Variants in PAWR observed in about 807,000 individuals in gnomAD.
PAWR encodes the protein pro-apoptotic WT1 regulator, also known as PRKC apoptosis WT1 regulator protein.
Under a neutral mutation model 32.0 loss-of-function variants are expected in PAWR, and 23 were observed. The ratio of observed to expected loss-of-function variants is 0.72; its 90% CI spans 0.52 to 1.02. The LOEUF is 1.02. Ranked by LOEUF, PAWR falls within the 50% of genes least tolerant of loss-of-function variation. The pLI is 0.00. For missense variants in PAWR, 457 were observed against 437.7 expected (o/e 1.04, Z -0.39); for synonymous variants, 226 against 187.1 (o/e 1.21, Z -1.70).
At chr12:79,605,395 C>G (rs896897726) in intron 4 of PAWR, among the ~76,000 whole-genome samples, 1 of 152,018 alleles carries the variant, frequency 6.6e-6, no homozygotes, top group African/African-American at 2.4e-5. Flanking sequence ...ACAGTAGAAA[C>G]AGCTAAAATT....
chr12:79,594,567 T>C lies in PAWR; in HGVS notation c.832-134A>G, dbSNP rs182184778. 69 of 572,334 alleles carry C rather than the reference T, an allele frequency of 1.2e-4. No homozygotes were observed. The Admixed American group carries it at 1.8e-3, about 15-fold the overall frequency. The allele number at this position is 572,334 out of a possible 1,614,324, so 35.5% of individuals were successfully genotyped here. The stretch of plus-strand genomic sequence containing the variant: ...ATTTCCAATGAATCCCTTAAGACAT[T>C]TGGTGAAGGAACAAAGATCCCACCA... On this transcript the variant is annotated intron_variant, in intron 5 of 6. Transcript: ENST00000328827.
intron 2 of PAWR, among the ~76,000 whole-genome samples, chr12:79,688,656 G>A (rs1878804681): frequency 6.6e-6 from 1 of 151,940 alleles, no homozygotes; most frequent in South Asian, 2.1e-4. Context: ...GATTTAACAG[G>A]TATGGAAATC....
In PAWR at chr12:79,635,032, C is replaced by T. The variant is rs147306659; in HGVS notation, c.517-13825G>A. Among the ~76,000 whole-genome samples, 131 of 152,218 alleles carry T rather than the reference C, an allele frequency of 8.6e-4. 2 individuals are homozygous for T. In the East Asian group the frequency reaches 0.019, roughly 22 times the overall value. The stretch of plus-strand genomic sequence containing the variant: ...CTTACTATATTGCTCTGTACATAAC[C>T]TCACATATCCTAATCTGTTCCAATA... On this transcript the variant is annotated intron_variant, in intron 2 of 6. Coordinates refer to ENST00000328827, the MANE Select transcript of PAWR (RefSeq NM_002583.4).
At chr12:79,670,538 A>G (rs1236304182) in intron 2 of PAWR, among the ~76,000 whole-genome samples, 1 of 152,208 alleles carries the variant, frequency 6.6e-6, no homozygotes, top group East Asian at 1.9e-4. Context: ...TGCCAAAAAT[A>G]TCTCATTCAA....
At chr12:79,649,270 G>A (rs1876724762) in intron 2 of PAWR, among the ~76,000 whole-genome samples, 1 of 151,998 alleles carries the variant, frequency 6.6e-6, no homozygotes, top group African/African-American at 2.4e-5. Context: ...AGATTTAATT[G>A]AAATAGTCAA....
At chr12:79,630,710 TAGTAAAGAA>T (rs1029330972) in intron 2 of PAWR, among the ~76,000 whole-genome samples, 12 of 152,190 alleles carry the variant, frequency 7.9e-5, no homozygotes, top group East Asian at 3.9e-4. Flanking sequence ...GCTCTCTATC[TAGTAAAGAA>T]AGTAAAGAAA....
At chr12:79,658,188 C>G (rs1877183898) in intron 2 of PAWR, among the ~76,000 whole-genome samples, 1 of 152,122 alleles carries the variant, frequency 6.6e-6, no homozygotes, top group Non-Finnish European at 1.5e-5. Flanking sequence ...TAGATGCCAA[C>G]AGATCTTTGC....
chr12:79,663,228 G>C (rs910658594), intron 2 of PAWR, among the ~76,000 whole-genome samples: 1 of 152,176 alleles, frequency 6.6e-6, no homozygotes, highest in Non-Finnish European at 1.5e-5. Context: ...TTGTACATGG[G>C]ATATGGAGAT....
chr12:79,629,350 C>T (rs142562771), intron 2 of PAWR, among the ~76,000 whole-genome samples: 14 of 152,048 alleles, frequency 9.2e-5, no homozygotes, highest in South Asian at 8.3e-4. Flanking sequence ...ACAGTCTTAT[C>T]GAAGTAGATT....
chr12:79,652,488 T>C (rs1198185887), intron 2 of PAWR, among the ~76,000 whole-genome samples: 2 of 152,218 alleles, frequency 1.3e-5, no homozygotes, highest in Non-Finnish European at 1.5e-5. Context: ...TAAAGCTTTA[T>C]TGTGAAGAAG....
intron 2 of PAWR, among the ~76,000 whole-genome samples, chr12:79,638,183 A>G (rs1054967857): frequency 1.3e-5 from 2 of 151,742 alleles, no homozygotes; most frequent in African/African-American, 4.8e-5. Context: ...AAGCTTGTGT[A>G]AGATTGGTCT....
At position 79,653,605 on chromosome 12, in the gene PAWR, G is replaced by A. The variant is rs575551530; in HGVS notation, c.517-32398C>T. Among the ~76,000 whole-genome samples the A allele has an allele frequency of 5.8e-4, 89 of 152,138 alleles. 1 individual carries two copies. The highest frequency in any genetic ancestry group is 3.3e-3 in the East Asian group (17 of 5,164). ...AGCGATTCTCCTGCCTCAGCCTCCC[G>A]AGTAGCTGGGATTACAGGCATGCGC... On this transcript the variant is annotated intron_variant, in intron 2 of 6. Coordinates refer to ENST00000328827, the MANE Select transcript of PAWR (RefSeq NM_002583.4).
intron 2 of PAWR, among the ~76,000 whole-genome samples, chr12:79,623,679 A>G (rs1486042176): frequency 2.6e-5 from 4 of 152,194 alleles, no homozygotes; most frequent in African/African-American, 7.2e-5. Flanking sequence ...AGAAAAATCT[A>G]GTATTGTGAA....
At chr12:79,608,391 G>T (rs1417472433) in intron 4 of PAWR, among the ~76,000 whole-genome samples, 1 of 152,090 alleles carries the variant, frequency 6.6e-6, no homozygotes, top group Admixed American at 6.5e-5. Flanking sequence ...TGTAACCTAG[G>T]TCCCTCGCAT....
chr12:79,655,853 T>C (rs1877068053), intron 2 of PAWR, among the ~76,000 whole-genome samples: 1 of 152,182 alleles, frequency 6.6e-6, no homozygotes, highest in Non-Finnish European at 1.5e-5. Flanking sequence ...AAATATGACA[T>C]AAAATTCCTA....
chr12:79,604,429 T>C, intron 4 of PAWR: 3 of 1,028,180 alleles, frequency 2.9e-6, no homozygotes, highest in Non-Finnish European at 3.5e-6. Flanking sequence ...AAAACTATCA[T>C]GAGAATGAGA....
intron 2 of PAWR, among the ~76,000 whole-genome samples, chr12:79,683,322 T>C (rs562032964): frequency 1.3e-5 from 2 of 152,358 alleles, no homozygotes; most frequent in Non-Finnish European, 2.9e-5. Flanking sequence ...ATTTAATTCA[T>C]GTAACAATCC....
At chr12:79,645,589 A>G (rs889933107) in intron 2 of PAWR, among the ~76,000 whole-genome samples, 2 of 152,188 alleles carry the variant, frequency 1.3e-5, no homozygotes, top group Non-Finnish European at 2.9e-5. Flanking sequence ...AGCTCTCTCC[A>G]GGGAGAAATG....
chr12:79,605,192 T>C (rs981374096), intron 4 of PAWR, among the ~76,000 whole-genome samples: 3 of 152,166 alleles, frequency 2.0e-5, no homozygotes, highest in Non-Finnish European at 4.4e-5. Flanking sequence ...TTTATAGCAA[T>C]ATATTATAGT....
Sources: gnomAD v4.1 joint callset for allele counts (sites outside exome capture counted in the v4.1 genomes callset) on GRCh38, gnomAD v4.1.1 for gene constraint, MANE v1.5 for transcripts, NCBI Gene and HGNC (gene_info 2026-07-23, HGNC 2026-07-21) for gene names.